Variants in OSBPL7 observed in about 807,000 individuals in gnomAD.
The protein encoded by OSBPL7 is oxysterol binding protein like 7, also known as oxysterol-binding protein-related protein 7.
In OSBPL7, 66 loss-of-function variants were observed where a neutral mutation model predicts 115.8. The observed-to-expected ratio is 0.57, with a 90% CI of 0.47 to 0.70. OSBPL7 has a LOEUF of 0.70. OSBPL7 is among the 30% of genes least tolerant of loss of function. The pLI is 0.00. For missense variants in OSBPL7, 902 were observed against 1,125.5 expected, an observed-to-expected ratio of 0.80 and a Z score of 2.84; for synonymous variants, 441 against 439.2, an observed-to-expected ratio of 1.00 and a Z score of -0.05.
At chr17:47,819,213 C>T (rs2033323133) in intron 4 of OSBPL7, 114 bp from the exon 5 acceptor site, 2 of 785,356 alleles carry the variant, frequency 2.5e-6, no homozygotes, top group South Asian at 3.1e-5. Flanking sequence ...GCAGGTTCAC[C>T]CTCATGTCCA....
chr17:47,809,906 C>A (rs73988846), intron 18 of OSBPL7, among the ~76,000 whole-genome samples: 1 of 127,316 alleles, frequency 7.9e-6, no homozygotes. Flanking sequence ...CTTTTCTTTT[C>A]TTTTCTTTTT....
Position 47,819,009 on chromosome 17 carries a change from C to T in OSBPL7, c.346G>A (p.Glu116Lys). 6.2e-7 allele frequency: 1 copy of T among 1,614,122 alleles called. No homozygotes were observed. Among genetic ancestry groups the T allele is most frequent in the Non-Finnish European group, 8.5e-7 (1 of 1,179,976 alleles). ...KKAQRIDLDT[E>K]DNIYHLKIKS... ...ACCTTGAGGTGGTAGATGTTGTCTT[C>T]AGTGTCAAGGTCAATGCGCTGGGCC... The change falls in exon 5 of 23, where the codon GAA (glutamate) becomes AAA (lysine). Residue 116 changes from glutamate (E) to lysine (K), a missense_variant. By Grantham distance (56) the Glu-to-Lys change is moderately conservative. This residue lies in a region of OSBPL7 where 667 missense variants were observed against 788.7 expected (regional missense o/e 0.85). Coordinates refer to ENST00000007414, the MANE Select transcript of OSBPL7 (RefSeq NM_145798.3).
chr17:47,809,191 C>T lies in OSBPL7; in HGVS notation c.2055G>A (p.Glu685=). 1.2e-6 allele frequency: 2 copies of T among 1,614,164 alleles called. No homozygotes were observed. Among genetic ancestry groups the T allele is most frequent in the Non-Finnish European group, 1.7e-6 (2 of 1,180,044 alleles). ...TCCGACTGAGCACAGCGCCCTGCAC[C>T]TCGTGGACATTGGAACTCCAGTACT... ...KAKYWSSNVH[E]VQGAVLSRSG... is the part of the protein sequence containing the mutation. Residue 685 remains glutamate (E), a synonymous_variant, in exon 20 of 23, where the codon GAG becomes GAA. Transcript: ENST00000007414.
At chr17:47,814,414 C>T in intron 14 of OSBPL7, 107 bp downstream of exon 14, 1 of 1,021,316 alleles carries the variant, frequency 9.8e-7, no homozygotes, top group Non-Finnish European at 1.5e-6. Context: ...AAGCCACTAG[C>T]CCATCAGTCA....
chr17:47,819,892 CAT>C lies in OSBPL7; in HGVS notation c.201+77_201+78del, dbSNP rs2033343023. 1.9e-6 allele frequency: 3 copies of C among 1,606,360 alleles called. No homozygotes were observed. In the African/African-American group the frequency reaches 4.0e-5, roughly 21 times the overall value. On this transcript the variant is annotated intron_variant, in intron 3 of 22. Coordinates refer to ENST00000007414, the MANE Select transcript of OSBPL7 (RefSeq NM_145798.3). ...CTTTTCCTTCTCATCATGCAAACAC[CAT>C]TGGACTGCCCAGCAGCTGCCCCCCA...
At chr17:47,813,903 C>A (rs906304205) in intron 14 of OSBPL7, 69 bp from the exon 15 acceptor site, 1 of 1,518,820 alleles carries the variant, frequency 6.6e-7, no homozygotes. Context: ...AGCCCACAGC[C>A]CAGTCCAGGG....
chr17:47,811,356 C>T (rs11079795), intron 16 of OSBPL7, among the ~76,000 whole-genome samples: 44,036 of 152,046 alleles, frequency 0.29, 8,023 homozygotes, highest in East Asian at 0.63. Context: ...CGTTCCCTGT[C>T]GCCCACAGCT....
intron 17 of OSBPL7, 21 bp downstream of exon 17, chr17:47,810,751 G>A (rs1598013463): frequency 6.2e-7 from 1 of 1,613,744 alleles, no homozygotes; most frequent in Non-Finnish European, 8.5e-7. Flanking sequence ...GGCCACCCCG[G>A]CCCTGCCCTC....
At position 47,809,167 on chromosome 17, in the gene OSBPL7, C is replaced by T; in HGVS notation, c.2079G>A (p.Arg693=). The T allele has an allele frequency of 6.2e-7, 1 of 1,614,186 alleles. No individual in the cohort carries two copies. The highest frequency in any genetic ancestry group is 8.5e-7 in the Non-Finnish European group (1 of 1,180,038). ...AGAGTCGGTGGAGGACACGGCCACT[C>T]CGACTGAGCACAGCGCCCTGCACCT... The part of the protein sequence containing the change: ...VHEVQGAVLS[R]SGRVLHRLFG... The change falls in exon 20 of 23, where the codon CGG becomes CGA. Residue 693 remains arginine, a synonymous_variant. Coordinates refer to ENST00000007414, the MANE Select transcript of OSBPL7 (RefSeq NM_145798.3).
chr17:47,808,077 G>A lies in OSBPL7; in HGVS notation c.*214C>T, dbSNP rs2032910709. ...CTGGTTGTCTGGGGCAAGGAGACTG[G>A]GGAAGCACAGATTCTGCTTCTCACC... On this transcript the variant is annotated 3_prime_UTR_variant, in exon 23 of 23. Coordinates refer to ENST00000007414, the MANE Select transcript of OSBPL7 (RefSeq NM_145798.3). This position sits in a 1 kb window ranked among gnomAD's most constrained non-coding sequence, Gnocchi z 6.1. 3.4e-6 allele frequency: 2 copies of A among 584,750 alleles called. No individual in the cohort carries two copies. Among genetic ancestry groups the A allele is most frequent in the Non-Finnish European group, 6.1e-6 (2 of 326,900 alleles). 36.2% of individuals were successfully genotyped at this position (584,750 alleles called of 1,614,324 possible).
intron 18 of OSBPL7, among the ~76,000 whole-genome samples, chr17:47,810,236 CT>C (rs1268580880): frequency 1.3e-5 from 2 of 152,160 alleles, no homozygotes; most frequent in East Asian, 1.9e-4. Context: ...TCTGTGACCC[CT>C]GAGTCCTGAG....
At position 47,819,031 on chromosome 17, in the gene OSBPL7, G is replaced by A. The variant is rs1184167327; in HGVS notation, c.324C>T (p.Ala108=). The A allele has an allele frequency of 1.2e-6, 2 of 1,614,110 alleles. No individual in the cohort carries two copies. The highest frequency in any genetic ancestry group is 1.7e-6 in the Non-Finnish European group (2 of 1,180,014). ...RLSVMSINKK[A]QRIDLDTEDN... The stretch of plus-strand genomic sequence containing the variant: ...CTTCAGTGTCAAGGTCAATGCGCTG[G>A]GCCTTTTTGTTGATGGACATGACCG... Residue 108 remains alanine (A), a synonymous_variant, in exon 5 of 23, where the codon GCC becomes GCT. Coordinates refer to ENST00000007414, the MANE Select transcript of OSBPL7 (RefSeq NM_145798.3).
At chr17:47,811,335 G>A (rs1483829461) in intron 16 of OSBPL7, among the ~76,000 whole-genome samples, 1 of 151,886 alleles carries the variant, frequency 6.6e-6, no homozygotes, top group Admixed American at 6.6e-5. Flanking sequence ...TGCCTGCCTT[G>A]CCTCTCTCTC....
intron 16 of OSBPL7, among the ~76,000 whole-genome samples, chr17:47,811,744 C>T (rs896250299): frequency 3.3e-5 from 5 of 152,140 alleles, no homozygotes; most frequent in Non-Finnish European, 7.4e-5. Context: ...CCCACTGATG[C>T]CCCCCAGGCT....
chr17:47,811,772 C>A (rs1169563096), intron 16 of OSBPL7, among the ~76,000 whole-genome samples: 1 of 152,240 alleles, frequency 6.6e-6, no homozygotes, highest in Non-Finnish European at 1.5e-5. Context: ...CCTCCTCCTT[C>A]TGCACCTTCA....
intron 18 of OSBPL7, 129 bp from the exon 19 acceptor site, chr17:47,809,607 T>A: frequency 9.8e-7 from 1 of 1,025,040 alleles, no homozygotes; most frequent in Non-Finnish European, 1.4e-6. Context: ...ACTCCAGTTC[T>A]GCAGTGAAGG....
chr17:47,813,612 C>T lies in OSBPL7; in HGVS notation c.1574G>A (p.Arg525His), dbSNP rs181669798. 64 of 1,611,840 alleles carry T rather than the reference C, an allele frequency of 4.0e-5. No homozygotes were observed. The East Asian group carries it at 1.1e-3, about 27-fold the overall frequency. The part of the protein sequence containing the change: ...EYSSLLDQAS[R>H]IADPCERMVY... ...CATGCGCTCGCAGGGGTCGGCGATGCGGCTGGCCTGGTCCAGGAGGCTGCT... is the reference window on the plus strand; with the variant it reads ...CATGCGCTCGCAGGGGTCGGCGATGTGGCTGGCCTGGTCCAGGAGGCTGCT... Residue 525 changes from arginine to histidine, a missense_variant, in exon 15 of 23, where the codon CGC (arginine) becomes CAC (histidine). Around this residue, in one of 3 missense-constraint regions of OSBPL7, gnomAD observed 667 missense variants for 788.7 expected, o/e 0.85. Coordinates refer to ENST00000007414, the MANE Select transcript of OSBPL7 (RefSeq NM_145798.3).
chr17:47,816,144 G>A lies in OSBPL7; in HGVS notation c.1082C>T (p.Thr361Ile). 1 of 1,551,286 alleles carries A rather than the reference G, an allele frequency of 6.4e-7. No individual in the cohort carries two copies. The highest frequency in any genetic ancestry group is 2.4e-5 in the East Asian group (1 of 40,914). Residue 361 changes from threonine to isoleucine, a missense_variant, in exon 12 of 23, where the codon ACC becomes ATC. By Grantham distance (89) the Thr-to-Ile change is moderately conservative. Coordinates refer to ENST00000007414, the MANE Select transcript of OSBPL7 (RefSeq NM_145798.3). The surrounding 1 kb of genome is among the most constrained non-coding windows in gnomAD (Gnocchi z 5.8). ...GAGGGAGCTGAAAGAGTCCGCCGTG[G>A]TGTCGGAGGAGGTGGACAGTGAGTG... ...RLHSLSTSSD[T>I]TADSFSSLNP...
rs185616025 is a variant in OSBPL7, at chr17:47,813,629, G to A, written c.1557C>T (p.Leu519=). ...CGGCGATGCGGCTGGCCTGGTCCAG[G>A]AGGCTGCTGTACTCCAGCTCCTCGC... ...RLCEELEYSS[L]LDQASRIADP... Residue 519 remains leucine (L), a synonymous_variant, in exon 15 of 23, where the codon CTC becomes CTT. Coordinates refer to ENST00000007414, the MANE Select transcript of OSBPL7 (RefSeq NM_145798.3). The A allele has an allele frequency of 1.7e-4, 273 of 1,612,956 alleles. No homozygotes were observed. The highest frequency in any genetic ancestry group is 2.7e-4 in the East Asian group (12 of 44,884).
Sources: gnomAD v4.1 joint callset for allele counts (sites outside exome capture counted in the v4.1 genomes callset) on GRCh38, gnomAD v4.1.1 for gene constraint, gnomAD v4.1.1 regional missense constraint, Gnocchi (gnomAD v3.1) non-coding constraint, MANE v1.5 for transcripts, NCBI Gene and HGNC (gene_info 2026-07-23, HGNC 2026-07-21) for gene names.